Variants in TRIM46 observed in about 807,000 individuals in gnomAD.
TRIM46 encodes the protein tripartite motif-containing protein 46.
Under a neutral mutation model 69.7 loss-of-function variants are expected in TRIM46, and 17 were observed. That is an observed-to-expected ratio of 0.24 (90% CI 0.17 to 0.37). TRIM46 has a LOEUF of 0.37. Ranked by LOEUF, TRIM46 falls within the 10% of genes least tolerant of loss-of-function variation. The probability of loss-of-function intolerance (pLI) is 1.00; values close to 1 mark genes in which losing one functional copy is unlikely to be tolerated. For missense variants in TRIM46, 675 were observed against 1,025.1 expected (o/e 0.66, Z 4.66); for synonymous variants, 391 against 429.0 (o/e 0.91, Z 1.09).
rs752176830 is a variant in TRIM46, at chr1:155,181,853, C to T, written c.1590C>T (p.Val530=). ...DVHLHTPPAP[V]LHFFLDSRWG... is the part of the protein sequence containing the mutation. ...TCTCAACCCTCTCCCTCCTTCCAGTCCTGCACTTCTTCCTCGATAGCCGCT... is the reference window on the plus strand; with the variant it reads ...TCTCAACCCTCTCCCTCCTTCCAGTTCTGCACTTCTTCCTCGATAGCCGCT... The change falls in exon 9 of 10, where the codon GTC becomes GTT. Residue 530 remains valine (V), a splice_region_variant and synonymous_variant. Coordinates refer to ENST00000334634, the MANE Select transcript of TRIM46 (RefSeq NM_025058.5). This position sits in a 1 kb window ranked among gnomAD's most constrained non-coding sequence, Gnocchi z 4.3. 6.2e-7 allele frequency: 1 copy of T among 1,609,844 alleles called. No individual in the cohort carries two copies.
At chr1:155,175,000 G>A (rs891962907) in intron 1 of TRIM46, 25 of 1,384,480 alleles carry the variant, frequency 1.8e-5, no homozygotes, top group Non-Finnish European at 2.2e-5. Flanking sequence ...AGGGAGTGGG[G>A]GTCTGCATGG....
intron 1 of TRIM46, chr1:155,174,811 C>T: frequency 6.9e-7 from 1 of 1,442,570 alleles, no homozygotes; most frequent in Non-Finnish European, 9.1e-7. Flanking sequence ...GCGGGAGGGC[C>T]TGATGGGGGC....
intron 8 of TRIM46, 143 bp downstream of exon 8, chr1:155,180,077 G>A: frequency 2.0e-6 from 2 of 1,025,052 alleles, no homozygotes; most frequent in East Asian, 5.5e-5. Context: ...TAGACTGCTT[G>A]GGTTCAAATC....
intron 9 of TRIM46, chr1:155,182,540 A>G (rs973728692): frequency 6.1e-6 from 2 of 329,914 alleles, no homozygotes; most frequent in African/African-American, 2.1e-5. Context: ...CTTCACCCGT[A>G]TCTTAAAATT....
chr1:155,183,812 C>T lies in TRIM46; in HGVS notation c.1902C>T (p.Ser634=), dbSNP rs756102955. ...DVISPRYDPD[S]GHDSGAEDAT... is the part of the protein sequence containing the mutation. ...GCTTCTGCAGGTACGACCCGGACAGCGGGCACGACAGCGGTGCCGAGGATG... is the reference window on the plus strand; with the variant it reads ...GCTTCTGCAGGTACGACCCGGACAGTGGGCACGACAGCGGTGCCGAGGATG... Residue 634 remains serine, a synonymous_variant, in exon 10 of 10, where the codon AGC becomes AGT. Transcript: ENST00000334634. 13 of 1,604,666 alleles carry T rather than the reference C, an allele frequency of 8.1e-6. No individual in the cohort carries two copies. Among genetic ancestry groups the T allele is most frequent in the South Asian group, 5.5e-5 (5 of 91,040 alleles).
Position 155,175,812 on chromosome 1 carries a change from A to C in TRIM46, c.326-76A>C. ...CTGAGCTCTGGCACAATGAAAATCT[A>C]ATTTAATTAAACAGGCTTCCCCACA... is the stretch of plus-strand genomic sequence containing the variant. On this transcript the variant is annotated intron_variant, in intron 2 of 9. Transcript: ENST00000334634. The surrounding 1 kb of genome is among the most constrained non-coding windows in gnomAD (Gnocchi z 4.2). 1.9e-6 allele frequency: 3 copies of C among 1,573,598 alleles called. No individual in the cohort carries two copies. The highest frequency in any genetic ancestry group is 2.6e-6 in the Non-Finnish European group (3 of 1,156,650).
rs375807143 is a variant in TRIM46 at position 155,184,153 on chromosome 1, G to T, written c.2243G>T (p.Arg748Met). ...LQEPVGTKPE[R>M]KVTIGGFAKL... ...GAGCCAGTGGGCACTAAGCCTGAGA[G>T]GAAAGTCACCATTGGGGGCTTCGCC... is the stretch of plus-strand genomic sequence containing the variant. The change falls in exon 10 of 10, where the codon AGG becomes ATG. Residue 748 changes from arginine (R) to methionine (M), a missense_variant. By Grantham distance (91) the Arg-to-Met change is moderately conservative. Coordinates refer to ENST00000334634, the MANE Select transcript of TRIM46 (RefSeq NM_025058.5). The surrounding 1 kb of genome is among the most constrained non-coding windows in gnomAD (Gnocchi z 5.6). 30 of 1,613,222 alleles carry T rather than the reference G, an allele frequency of 1.9e-5. No homozygotes were observed. The highest frequency in any genetic ancestry group is 1.0e-5 in the Non-Finnish European group (12 of 1,179,828).
In TRIM46 at chr1:155,173,916, G is replaced by A; in HGVS notation, c.-51G>A. ...GGCTCCTGCATTAAGCCCGGGGTTC[G>A]CAGCCGCAGCCGGGATCGGGCACCC... On this transcript the variant is annotated 5_prime_UTR_variant, in exon 1 of 10. Coordinates refer to ENST00000334634, the MANE Select transcript of TRIM46 (RefSeq NM_025058.5). 2 of 1,545,158 alleles carry A rather than the reference G, an allele frequency of 1.3e-6. No individual in the cohort carries two copies. Among genetic ancestry groups the A allele is most frequent in the East Asian group, 2.4e-5 (1 of 41,264 alleles).
In TRIM46 at chr1:155,175,661, C is replaced by A; in HGVS notation, c.325+14C>A. The A allele has an allele frequency of 6.2e-7, 1 of 1,613,296 alleles. No individual in the cohort carries two copies. Among genetic ancestry groups the A allele is most frequent in the Non-Finnish European group, 8.5e-7 (1 of 1,179,968 alleles). On this transcript the variant is annotated intron_variant, in intron 2 of 9. Coordinates refer to ENST00000334634, the MANE Select transcript of TRIM46 (RefSeq NM_025058.5). This position sits in a 1 kb window ranked among gnomAD's most constrained non-coding sequence, Gnocchi z 4.2. ...TGCTTAAGTCAGGTGGGACTGGGGC[C>A]TGTAGGGTGGGGATGGGAACGCTGA...
At chr1:155,176,579 A>G (rs1015156627) in intron 3 of TRIM46, among the ~76,000 whole-genome samples, 1 of 152,260 alleles carries the variant, frequency 6.6e-6, no homozygotes, top group African/African-American at 2.4e-5. Context: ...TTGAGCACCT[A>G]TGTGCATGGT....
At chr1:155,174,496 C>A in intron 1 of TRIM46, 1 of 1,426,952 alleles carries the variant, frequency 7.0e-7, no homozygotes. Flanking sequence ...TCCGAGCCTG[C>A]GGTTGTCATG....
In TRIM46 at chr1:155,177,988, T is replaced by C; in HGVS notation, c.910-14T>C. Reference sequence around the variant, plus strand: ...AGTAAGTCACGCATCCTTTGGGTGTTGCTCCCTGGGCAGGTGAGTGGTCAG... The same window carrying C: ...AGTAAGTCACGCATCCTTTGGGTGTCGCTCCCTGGGCAGGTGAGTGGTCAG... On this transcript the variant is annotated splice_polypyrimidine_tract_variant and intron_variant, in intron 5 of 9. Coordinates refer to ENST00000334634, the MANE Select transcript of TRIM46 (RefSeq NM_025058.5). 6.2e-7 allele frequency: 1 copy of C among 1,610,432 alleles called. No homozygotes were observed. The highest frequency in any genetic ancestry group is 8.5e-7 in the Non-Finnish European group (1 of 1,178,160).
At chr1:155,177,733 CAT>C (rs1665797224) in intron 5 of TRIM46, among the ~76,000 whole-genome samples, 1 of 152,186 alleles carries the variant, frequency 6.6e-6, no homozygotes, top group Non-Finnish European at 1.5e-5. Context: ...TTAGGGTAGC[CAT>C]GGCCTCGTTC....
chr1:155,183,077 A>G (rs1666295845), intron 9 of TRIM46, among the ~76,000 whole-genome samples: 2 of 151,576 alleles, frequency 1.3e-5, no homozygotes, highest in Non-Finnish European at 2.9e-5. Flanking sequence ...TGCCCAGCTA[A>G]TTTTTTGTAT....
chr1:155,182,578 C>T (rs1192201993), intron 9 of TRIM46: 4 of 231,632 alleles, frequency 1.7e-5, no homozygotes, highest in African/African-American at 2.3e-5. Context: ...CGGTGGCTCA[C>T]GCCTGTAATC....
rs1174094577 is a variant in TRIM46, at chr1:155,184,151, G to A, written c.2241G>A (p.Glu747=). ...AGGAGCCAGTGGGCACTAAGCCTGAGAGGAAAGTCACCATTGGGGGCTTCG... is the reference window on the plus strand; with the variant it reads ...AGGAGCCAGTGGGCACTAAGCCTGAAAGGAAAGTCACCATTGGGGGCTTCG... The part of the protein sequence containing the change: ...QLQEPVGTKP[E]RKVTIGGFAK... The change falls in exon 10 of 10, where the codon GAG becomes GAA. Residue 747 remains glutamate (E), a synonymous_variant. Transcript: ENST00000334634. This position sits in a 1 kb window ranked among gnomAD's most constrained non-coding sequence, Gnocchi z 5.6. 1.8e-5 allele frequency: 29 copies of A among 1,613,294 alleles called. No homozygotes were observed. Among genetic ancestry groups the A allele is most frequent in the Non-Finnish European group, 2.5e-5 (29 of 1,179,848 alleles).
Position 155,184,119 on chromosome 1 carries a change from C to A in TRIM46, c.2209C>A (p.Gln737Lys). The A allele has an allele frequency of 6.2e-7, 1 of 1,613,898 alleles. No individual in the cohort carries two copies. The highest frequency in any genetic ancestry group is 8.5e-7 in the Non-Finnish European group (1 of 1,180,022). Reference sequence around the variant, plus strand: ...TTGCTTCATCGGGGGTGGCGCAGTACAGCTCCAGGAGCCAGTGGGCACTAA... The same window carrying A: ...TTGCTTCATCGGGGGTGGCGCAGTAAAGCTCCAGGAGCCAGTGGGCACTAA... ...AFCFIGGGAVQLQEPVGTKPE... is the reference protein window; with the variant it reads ...AFCFIGGGAVKLQEPVGTKPE... Residue 737 changes from glutamine to lysine, a missense_variant, in exon 10 of 10, where the codon CAG becomes AAG. Coordinates refer to ENST00000334634, the MANE Select transcript of TRIM46 (RefSeq NM_025058.5). This position sits in a 1 kb window ranked among gnomAD's most constrained non-coding sequence, Gnocchi z 5.6.
At position 155,178,574 on chromosome 1, in the gene TRIM46, C is replaced by T. The variant is rs777095970; in HGVS notation, c.1246C>T (p.Arg416Cys). 3.3e-5 allele frequency: 54 copies of T among 1,613,932 alleles called. No individual in the cohort carries two copies. Among genetic ancestry groups the T allele is most frequent in the African/African-American group, 1.1e-4 (8 of 74,940 alleles). Residue 416 changes from arginine to cysteine, a missense_variant, in exon 7 of 10, where the codon CGT (arginine) becomes TGT (cysteine). Transcript: ENST00000334634. ...CCGCCATTGCCAGCTCGACGTGGGACGTGAGATGAAGCTGCTGACAGAGCT... is the reference window on the plus strand; with the variant it reads ...CCGCCATTGCCAGCTCGACGTGGGATGTGAGATGAAGCTGCTGACAGAGCT... The part of the protein sequence containing the change: ...SFRHCQLDVG[R>C]EMKLLTELNF...
In TRIM46 at chr1:155,178,085, G is replaced by A; in HGVS notation, c.993G>A (p.Leu331=). The A allele has an allele frequency of 6.2e-7, 1 of 1,614,134 alleles. No individual in the cohort carries two copies. Among genetic ancestry groups the A allele is most frequent in the Non-Finnish European group, 8.5e-7 (1 of 1,180,018 alleles). Residue 331 remains leucine (L), a synonymous_variant, in exon 6 of 10, where the codon CTG becomes CTA. Transcript: ENST00000334634. ...TGCTGGAGGAGAAGCGGGCATCACT[G>A]CTTCAGGCCATTGAAGAATGCCAGC... ...GAVLEEKRAS[L]LQAIEECQQE... is the part of the protein sequence containing the mutation.
Sources: allele counts gnomAD v4.1 joint callset (sites outside exome capture counted in the v4.1 genomes callset), GRCh38; gene constraint gnomAD v4.1.1; non-coding constraint Gnocchi (gnomAD v3.1); transcripts MANE v1.5; gene names NCBI Gene and HGNC (gene_info 2026-07-23, HGNC 2026-07-21).